ATRNL1: variants seen among roughly 807,000 people sequenced by gnomAD.
ATRNL1 encodes the protein attractin like 1, also known as attractin-like protein 1.
ATRNL1 carries 95 observed loss-of-function variants against 182.7 expected under a neutral mutation model. That is an observed-to-expected ratio of 0.52 (90% CI 0.44 to 0.62). The LOEUF (loss-of-function observed/expected upper bound fraction) is 0.62, where lower values mean the gene tolerates loss of function less well. Among genes scored for constraint, ATRNL1 ranks in the 20% least tolerant of loss-of-function variants. ATRNL1 has a pLI of 0.00. For missense variants in ATRNL1, 1,471 were observed against 1,679.5 expected, an observed-to-expected ratio of 0.88 and a Z score of 2.17; for synonymous variants, 576 against 568.3, an observed-to-expected ratio of 1.01 and a Z score of -0.19.
intron 25 of ATRNL1, among the ~76,000 whole-genome samples, chr10:115,548,809 G>T (rs1448493248): frequency 2.0e-5 from 3 of 152,022 alleles, no homozygotes; most frequent in African/African-American, 7.2e-5. Context: ...TTGTATTGCT[G>T]ATCCTTTGCT....
chr10:115,609,035 T>C (rs2133960024), intron 26 of ATRNL1, among the ~76,000 whole-genome samples: 1 of 152,172 alleles, frequency 6.6e-6, no homozygotes, highest in Non-Finnish European at 1.5e-5. Context: ...AATATTTTGC[T>C]AATAAATATC....
At chr10:115,547,389 C>G (rs782682034) in intron 25 of ATRNL1, among the ~76,000 whole-genome samples, 1 of 151,898 alleles carries the variant, frequency 6.6e-6, no homozygotes, top group Non-Finnish European at 1.5e-5. Context: ...GGATCACTAT[C>G]AGAGCTGTAC....
At chr10:115,199,026 A>C (rs541763808) in intron 8 of ATRNL1, among the ~76,000 whole-genome samples, 5 of 152,072 alleles carry the variant, frequency 3.3e-5, no homozygotes, top group African/African-American at 7.2e-5. Context: ...ATTTTTAAAA[A>C]ATTTTTTGTG....
At chr10:115,584,803 T>A (rs1310416347) in intron 26 of ATRNL1, among the ~76,000 whole-genome samples, 2 of 152,098 alleles carry the variant, frequency 1.3e-5, no homozygotes, top group Non-Finnish European at 2.9e-5. Context: ...TTTGAATGTG[T>A]TTGCTCTTGC....
chr10:115,665,286 ATCACTAATACAAACTCCTCACTT>A (rs1555039360), intron 26 of ATRNL1, among the ~76,000 whole-genome samples: 1 of 152,156 alleles, frequency 6.6e-6, no homozygotes. Flanking sequence ...ATATTTAAAG[ATCACTAATACAAACTCCTCACTT>A]TCCTAGAAAA....
intron 19 of ATRNL1, among the ~76,000 whole-genome samples, chr10:115,368,905 G>T (rs1458620267): frequency 2.0e-5 from 3 of 151,800 alleles, no homozygotes; most frequent in Admixed American, 1.3e-4. Flanking sequence ...GTAGAGACGG[G>T]GTTTCACCAT....
intron 26 of ATRNL1, among the ~76,000 whole-genome samples, chr10:115,606,071 C>G (rs1222248615): frequency 6.6e-6 from 1 of 151,776 alleles, no homozygotes; most frequent in Non-Finnish European, 1.5e-5. Flanking sequence ...GTATCAAAAG[C>G]CTAAGATTCA....
chr10:115,830,585 G>A (rs782223649), intron 27 of ATRNL1, among the ~76,000 whole-genome samples: 33 of 152,136 alleles, frequency 2.2e-4, no homozygotes, highest in Non-Finnish European at 2.8e-4. Flanking sequence ...AAATTCAAGT[G>A]TGTTCAGATG....
intron 9 of ATRNL1, among the ~76,000 whole-genome samples, chr10:115,237,887 A>G (rs1179685885): frequency 1.3e-5 from 2 of 152,112 alleles, no homozygotes; most frequent in East Asian, 1.9e-4. Flanking sequence ...TCTGCGATCT[A>G]TTCTGAGTTA....
chr10:115,474,926 A>G (rs957933578), intron 24 of ATRNL1, among the ~76,000 whole-genome samples: 1 of 151,432 alleles, frequency 6.6e-6, no homozygotes, highest in Non-Finnish European at 1.5e-5. Context: ...CCCTGTCGCC[A>G]CTGAATGAGA....
intron 14 of ATRNL1, among the ~76,000 whole-genome samples, chr10:115,283,217 C>T (rs1554917591): frequency 6.6e-6 from 1 of 151,966 alleles, no homozygotes; most frequent in African/African-American, 2.4e-5. Flanking sequence ...AGTTGAAGAC[C>T]AGCCTGGCCA....
intron 24 of ATRNL1, among the ~76,000 whole-genome samples, chr10:115,500,699 G>A (rs782287792): frequency 1.3e-5 from 2 of 151,488 alleles, no homozygotes; most frequent in Admixed American, 6.6e-5. Flanking sequence ...GTGCCACCAC[G>A]CCTGGCTAAT....
intron 5 of ATRNL1, among the ~76,000 whole-genome samples, chr10:115,156,058 C>T (rs1451558058): frequency 6.6e-6 from 1 of 152,064 alleles, no homozygotes; most frequent in Non-Finnish European, 1.5e-5. Flanking sequence ...CCAGGCATTA[C>T]CCCTCTAGTT....
At chr10:115,272,111 C>T (rs1041388155) in intron 13 of ATRNL1, among the ~76,000 whole-genome samples, 2 of 152,172 alleles carry the variant, frequency 1.3e-5, no homozygotes, top group Non-Finnish European at 2.9e-5. Context: ...TTCCCTGAGG[C>T]CTCTGCAGAA....
chr10:115,692,886 T>C (rs1478170322), intron 26 of ATRNL1, among the ~76,000 whole-genome samples: 1 of 152,104 alleles, frequency 6.6e-6, no homozygotes, highest in African/African-American at 2.4e-5. Context: ...GCCACAGATA[T>C]AACCTATGAG....
chr10:115,373,729 T>A (rs1428588551), intron 19 of ATRNL1, among the ~76,000 whole-genome samples: 1 of 151,988 alleles, frequency 6.6e-6, no homozygotes, highest in Admixed American at 6.6e-5. Context: ...GATGAATGAT[T>A]TTTTTTCATT....
At chr10:115,856,421 T>G (rs1275397228) in intron 28 of ATRNL1, among the ~76,000 whole-genome samples, 1 of 2,844 alleles carries the variant, frequency 3.5e-4, no homozygotes, top group Non-Finnish European at 1.6e-3. Context: ...AGAGCGAAGC[T>G]CCATCTCAAA....
At chr10:115,113,364 T>G (rs1844340076) in intron 1 of ATRNL1, among the ~76,000 whole-genome samples, 1 of 152,216 alleles carries the variant, frequency 6.6e-6, no homozygotes, top group South Asian at 2.1e-4. Flanking sequence ...TGGAAAATCA[T>G]TAGGCATCCA....
At chr10:115,441,305 T>C (rs1846668196) in intron 21 of ATRNL1, among the ~76,000 whole-genome samples, 1 of 151,894 alleles carries the variant, frequency 6.6e-6, no homozygotes, top group African/African-American at 2.4e-5. Flanking sequence ...CATTTCTGTA[T>C]TTTCTTTCAG....
Sources: allele counts gnomAD v4.1 joint callset (sites outside exome capture counted in the v4.1 genomes callset), GRCh38; gene constraint gnomAD v4.1.1; transcripts MANE v1.5; gene names NCBI Gene and HGNC (gene_info 2026-07-23, HGNC 2026-07-21).